FRMD4A: variants seen among roughly 807,000 people sequenced by gnomAD.
The protein encoded by FRMD4A is FERM domain-containing protein 4A.
FRMD4A carries 29 observed loss-of-function variants against 129.1 expected under a neutral mutation model. The ratio of observed to expected loss-of-function variants is 0.22; its 90% confidence interval spans 0.17 to 0.31. The LOEUF (loss-of-function observed/expected upper bound fraction) is 0.31, where lower values mean the gene tolerates loss of function less well. FRMD4A is among the 10% of genes least tolerant of loss of function. The pLI is 1.00. For synonymous variants in FRMD4A, 634 were observed against 571.6 expected (o/e 1.11, Z -1.56); for missense variants, 1,272 against 1,375.8 (o/e 0.92, Z 1.19).
chr10:14,154,331 T>C (rs1301396087), intron 2 of FRMD4A, among the ~76,000 whole-genome samples: 1 of 152,150 alleles, frequency 6.6e-6, no homozygotes, highest in African/African-American at 2.4e-5. Context: ...CTGTTTCCAT[T>C]TTTTGATATC....
intron 2 of FRMD4A, among the ~76,000 whole-genome samples, chr10:13,992,315 G>A (rs2095606115): frequency 1.3e-5 from 2 of 152,074 alleles, no homozygotes; most frequent in African/African-American, 4.8e-5. Context: ...GATTTCTCTG[G>A]TCTCCACCTG....
intron 2 of FRMD4A, among the ~76,000 whole-genome samples, chr10:14,199,617 C>T (rs951949707): frequency 5.9e-4 from 90 of 152,098 alleles, no homozygotes; most frequent in Non-Finnish European, 9.4e-4. Context: ...CTCAAACTCC[C>T]GACCTCAGGT....
chr10:14,159,848 G>A (rs1312506431), intron 2 of FRMD4A, among the ~76,000 whole-genome samples: 1 of 152,164 alleles, frequency 6.6e-6, no homozygotes, highest in African/African-American at 2.4e-5. Context: ...TGAGGATTTT[G>A]AGACCAGCCT....
At chr10:13,781,381 TTTTTTTTTTTTTC>T (rs1280762473) in intron 6 of FRMD4A, among the ~76,000 whole-genome samples, 6,895 of 133,174 alleles carry the variant, frequency 0.052, 572 homozygotes, top group African/African-American at 0.17. Context: ...TTTTTTTTTT[TTTTTTTTTTTTTC>T]TGAGACAGAG....
Position 13,646,327 on chromosome 10 carries a change from T to G in FRMD4A, c.*711A>C, listed in dbSNP as rs1049168672. The G allele has an allele frequency of 2.0e-5, 3 of 152,644 alleles. No individual in the cohort carries two copies. Among genetic ancestry groups the G allele is most frequent in the Non-Finnish European group, 4.4e-5 (3 of 68,038 alleles). The allele number at this position is 152,644 out of a possible 1,614,324, so 9.5% of individuals were successfully genotyped here. A position where few individuals can be genotyped will look rare whatever the true frequency, so the allele number is the denominator to read the frequency against. On this transcript the variant is annotated 3_prime_UTR_variant, in exon 25 of 25. Coordinates refer to ENST00000357447, the MANE Select transcript of FRMD4A (RefSeq NM_018027.5). ...CCCCTCTTAATTTTTTATGTTTTTA[T>G]TTATTTTTAATCTTTGGCAGCATAG...
chr10:13,760,820 TCA>T (rs757065260), intron 8 of FRMD4A, among the ~76,000 whole-genome samples: 16 of 152,122 alleles, frequency 1.1e-4, no homozygotes, highest in Non-Finnish European at 1.3e-4. Context: ...TTCATGTGGT[TCA>T]CTCTTTTTGC....
intron 9 of FRMD4A, among the ~76,000 whole-genome samples, chr10:13,741,178 A>C (rs552822728): frequency 6.6e-6 from 1 of 150,578 alleles, no homozygotes; most frequent in Non-Finnish European, 1.5e-5. Context: ...GGCCGGGTGC[A>C]GTGGCTCACC....
intron 2 of FRMD4A, among the ~76,000 whole-genome samples, chr10:13,964,202 T>G (rs1375922681): frequency 6.7e-6 from 1 of 148,650 alleles, no homozygotes; most frequent in Non-Finnish European, 1.5e-5. Context: ...TTTCTACAAA[T>G]AGACCAAAGA....
chr10:13,747,657 G>A lies in FRMD4A; in HGVS notation c.548+79C>T, dbSNP rs966234761. On this transcript the variant is annotated intron_variant, in intron 9 of 24. Coordinates refer to ENST00000357447, the MANE Select transcript of FRMD4A (RefSeq NM_018027.5). ...GGCTGGCACGTGGGAGCTGGTGGAG[G>A]GAGGGTACATTCAGTTGTCCTGTGT... The A allele has an allele frequency of 1.1e-5, 8 of 755,740 alleles. No homozygotes were observed. The African/African-American group carries it at 1.4e-4, about 13-fold the overall frequency. 46.8% of individuals were successfully genotyped at this position (755,740 alleles called of 1,614,324 possible). A position where few individuals can be genotyped will look rare whatever the true frequency, so the allele number is the denominator to read the frequency against.
intron 3 of FRMD4A, among the ~76,000 whole-genome samples, chr10:13,848,121 A>G (rs2094080502): frequency 6.6e-6 from 1 of 152,200 alleles, no homozygotes; most frequent in Non-Finnish European, 1.5e-5. Flanking sequence ...CCATTAGCAG[A>G]AAGACAGAAA....
At chr10:14,324,064 C>G (rs1313414309) in intron 2 of FRMD4A, among the ~76,000 whole-genome samples, 1 of 152,188 alleles carries the variant, frequency 6.6e-6, no homozygotes, top group Non-Finnish European at 1.5e-5. Context: ...ACTCCCTGGT[C>G]ACATCAGTCA....
chr10:13,670,588 C>A (rs2083432218), intron 16 of FRMD4A, 60 bp from the exon 17 acceptor site: 23 of 1,577,354 alleles, frequency 1.5e-5, no homozygotes, highest in Admixed American at 8.4e-5. Context: ...TGTCTGCTTC[C>A]TAGAACACAC....
intron 2 of FRMD4A, among the ~76,000 whole-genome samples, chr10:14,205,637 T>A (rs969526187): frequency 2.6e-5 from 4 of 151,814 alleles, no homozygotes; most frequent in Non-Finnish European, 5.9e-5. Context: ...TGACACCCTG[T>A]CTCTACAAAA....
At chr10:13,680,510 G>T (rs1036082800) in intron 15 of FRMD4A, among the ~76,000 whole-genome samples, 6 of 148,852 alleles carry the variant, frequency 4.0e-5, no homozygotes, top group African/African-American at 1.6e-4. Flanking sequence ...GGCAGATCAG[G>T]AGGTCAGATT....
intron 2 of FRMD4A, among the ~76,000 whole-genome samples, chr10:14,019,331 C>T (rs979417255): frequency 1.2e-4 from 18 of 152,066 alleles, no homozygotes; most frequent in African/African-American, 4.3e-4. Context: ...ATACATAGAA[C>T]ATAAAGCAAA....
intron 2 of FRMD4A, among the ~76,000 whole-genome samples, chr10:14,211,828 A>G (rs1842941121): frequency 6.6e-6 from 1 of 152,248 alleles, no homozygotes; most frequent in African/African-American, 2.4e-5. Flanking sequence ...ATAGCACATT[A>G]TAAACCCATT....
chr10:13,874,304 C>A (rs1170011648), intron 2 of FRMD4A, among the ~76,000 whole-genome samples: 1 of 147,410 alleles, frequency 6.8e-6, no homozygotes, highest in Non-Finnish European at 1.5e-5. Context: ...CTGTTTGTTT[C>A]ACTCTTCTCA....
chr10:13,817,669 G>T (rs149727197), intron 3 of FRMD4A, among the ~76,000 whole-genome samples: 2 of 152,176 alleles, frequency 1.3e-5, no homozygotes, highest in African/African-American at 4.8e-5. Flanking sequence ...CTTGCCTGCC[G>T]CCATGTAAGA....
intron 2 of FRMD4A, among the ~76,000 whole-genome samples, chr10:14,250,529 A>C (rs777050368): frequency 6.6e-6 from 1 of 152,200 alleles, no homozygotes; most frequent in Non-Finnish European, 1.5e-5. Context: ...TGGTCTCTCT[A>C]TTACAACTGC....
Sources: allele counts gnomAD v4.1 joint callset (sites outside exome capture counted in the v4.1 genomes callset), GRCh38; gene constraint gnomAD v4.1.1; transcripts MANE v1.5; gene names NCBI Gene and HGNC (gene_info 2026-07-23, HGNC 2026-07-21).